PCDHA9: variants seen among roughly 807,000 people sequenced by gnomAD.
PCDHA9 encodes protocadherin alpha 9.
In PCDHA9, 62 loss-of-function variants were observed where a neutral mutation model predicts 62.0. The ratio of observed to expected loss-of-function variants is 1.00; its 90% confidence interval spans 0.81 to 1.23. The LOEUF is 1.23. Ranked by LOEUF, PCDHA9 falls within the 50% of genes most tolerant of loss-of-function variation. The pLI is 0.00. For missense variants in PCDHA9, 1,205 were observed against 1,249.8 expected (o/e 0.96, Z 0.54); for synonymous variants, 557 against 567.6 (o/e 0.98, Z 0.27).
At chr5:140,850,964 C>G (rs1554145138) in intron 1 of PCDHA9, 75 bp downstream of exon 1, 1 of 1,468,876 alleles carries the variant, frequency 6.8e-7, no homozygotes, top group African/African-American at 1.4e-5. Flanking sequence ...TCCCAGGGGC[C>G]GTTCAAATAG....
At chr5:140,951,395 G>A (rs1036290024) in intron 1 of PCDHA9, among the ~76,000 whole-genome samples, 1 of 152,030 alleles carries the variant, frequency 6.6e-6, no homozygotes, top group African/African-American at 2.4e-5. Flanking sequence ...AATTTATAAA[G>A]AAAAGAGGTT....
intron 1 of PCDHA9, chr5:140,870,101 G>C (rs1345689033): frequency 3.1e-6 from 5 of 1,613,914 alleles, no homozygotes; most frequent in Non-Finnish European, 4.2e-6. Context: ...GCAGGTCACT[G>C]TACAGTCTGG....
intron 1 of PCDHA9, among the ~76,000 whole-genome samples, chr5:140,909,491 A>T (rs1031839388): frequency 1.3e-5 from 2 of 152,218 alleles, no homozygotes; most frequent in Non-Finnish European, 2.9e-5. Flanking sequence ...GGAGAGCTGA[A>T]CGGGGATGTG....
rs1013599044 is a variant in PCDHA9, at chr5:140,900,058, C to T, written c.2394+49169C>T. ...TTCCTGGGCTCAAGTGATCCTTTAACCTCAGCCTCCAAAAGTGCTGCAGTT... is the reference window on the plus strand; with the variant it reads ...TTCCTGGGCTCAAGTGATCCTTTAATCTCAGCCTCCAAAAGTGCTGCAGTT... On this transcript the variant is annotated intron_variant, in intron 1 of 3. Coordinates refer to ENST00000532602, the MANE Select transcript of PCDHA9 (RefSeq NM_031857.2). Among the ~76,000 whole-genome samples the T allele has an allele frequency of 2.0e-5, 3 of 152,160 alleles. 1 individual carries two copies. Among genetic ancestry groups the T allele is most frequent in the Non-Finnish European group, 1.5e-5 (1 of 68,028 alleles).
intron 3 of PCDHA9, among the ~76,000 whole-genome samples, chr5:140,993,460 T>TCACACACACA (rs1554253699): frequency 5.7e-5 from 6 of 104,506 alleles, no homozygotes; most frequent in African/African-American, 7.8e-5. Flanking sequence ...CTTCTTTCTT[T>TCACACACACA]CTCACACACA....
intron 1 of PCDHA9, chr5:140,966,857 C>A: frequency 6.3e-7 from 1 of 1,575,742 alleles, no homozygotes; most frequent in Non-Finnish European, 8.6e-7. Flanking sequence ...TCTCCTGCTG[C>A]TGTTGCTGCT....
chr5:140,853,640 A>G, intron 1 of PCDHA9: 1 of 988,756 alleles, frequency 1.0e-6, no homozygotes, highest in Non-Finnish European at 1.2e-6. Context: ...CACAGACCTA[A>G]ATTGAGCCTG....
chr5:140,937,362 C>A lies in PCDHA9; in HGVS notation c.2395-41587C>A, dbSNP rs151333453. On this transcript the variant is annotated intron_variant, in intron 1 of 3. Coordinates refer to ENST00000532602, the MANE Select transcript of PCDHA9 (RefSeq NM_031857.2). ...TCTTCCATTTATTTTATTATTTTAT[C>A]TTAATGTTTATGTGTGTGTATGTGT... Among the ~76,000 whole-genome samples the A allele has an allele frequency of 4.1e-4, 62 of 152,138 alleles. No individual in the cohort carries two copies. In the East Asian group the frequency reaches 0.01, roughly 25 times the overall value.
chr5:141,009,923 A>T lies in PCDHA9; in HGVS notation c.2839A>T (p.Asn947Tyr), dbSNP rs1463725058. The change falls in exon 4 of 4, where the codon AAC becomes TAC. Residue 947 changes from asparagine (N) to tyrosine (Y), a missense_variant. By Grantham distance (143) the Asn-to-Tyr change is moderately radical. Around this residue, in one of 3 missense-constraint regions of PCDHA9, gnomAD observed 887 missense variants for 809.5 expected, o/e 1.10. Coordinates refer to ENST00000532602, the MANE Select transcript of PCDHA9 (RefSeq NM_031857.2). ...KKEKGNSTTD[N>Y]SDQ ...AGAGAAAGGGAACAGCACGACTGAC[A>T]ACAGTGACCAGTGAGGTCCTCAAAT... 6.2e-7 allele frequency: 1 copy of T among 1,608,790 alleles called. No homozygotes were observed. The highest frequency in any genetic ancestry group is 8.5e-7 in the Non-Finnish European group (1 of 1,178,528).
chr5:140,927,073 C>T (rs782173390), intron 1 of PCDHA9: 11 of 1,611,108 alleles, frequency 6.8e-6, no homozygotes, highest in Middle Eastern at 1.7e-4. Context: ...CCTTTCCAGC[C>T]ACCGCGAGCT....
At chr5:140,863,090 C>G (rs782806970) in intron 1 of PCDHA9, 1 of 575,070 alleles carries the variant, frequency 1.7e-6, no homozygotes, top group African/African-American at 1.9e-5. Flanking sequence ...GAGATCAGCA[C>G]GACGAGTACC....
intron 1 of PCDHA9, chr5:140,856,664 C>T (rs782626089): frequency 6.3e-7 from 1 of 1,598,020 alleles, no homozygotes; most frequent in Non-Finnish European, 8.6e-7. Context: ...AGAAAATCCT[C>T]AGCTAAAGTT....
intron 3 of PCDHA9, among the ~76,000 whole-genome samples, chr5:140,992,189 G>T (rs1554252741): frequency 6.6e-6 from 1 of 152,098 alleles, no homozygotes; most frequent in Non-Finnish European, 1.5e-5. Context: ...TGCTTTCAGT[G>T]ATCTATCCAA....
chr5:140,946,611 A>AATATATATATATATATATAT lies in PCDHA9; in HGVS notation c.2395-32336_2395-32317dup, dbSNP rs1554217734. On this transcript the variant is annotated intron_variant, in intron 1 of 3. Transcript: ENST00000532602. ...GGATGAATAGATAAAGAAAATGTGA[A>AATATATATATATATATATAT]ATATATATATATATATATATACAAT... Among the ~76,000 whole-genome samples the AATATATATATATATATATAT allele has an allele frequency of 2.4e-3, 212 of 86,734 alleles. 8 individuals carry two copies. Among genetic ancestry groups the AATATATATATATATATATAT allele is most frequent in the Middle Eastern group, 0.011 (2 of 186 alleles). The allele number at this position is 86,734 out of a possible 152,430, so 56.9% of individuals were successfully genotyped here.
chr5:140,880,338 C>T (rs887426306), intron 1 of PCDHA9, among the ~76,000 whole-genome samples: 10 of 152,130 alleles, frequency 6.6e-5, no homozygotes, highest in African/African-American at 1.7e-4. Context: ...AAAAATAAGA[C>T]AGGCAGCAGG....
At chr5:140,928,809 G>A (rs1563109634) in intron 1 of PCDHA9, 2 of 1,614,078 alleles carry the variant, frequency 1.2e-6, no homozygotes, top group African/African-American at 2.7e-5. Flanking sequence ...TAGTGGTTCG[G>A]GACCATGGAG....
Position 140,999,346 on chromosome 5 carries a change from T to C in PCDHA9, c.2543-10281T>C, listed in dbSNP as rs115221132. ...ATCTGTGTGATTTATAAGCCTTGTC[T>C]CTTTTTAATGTTCACAATCCCATTA... On this transcript the variant is annotated intron_variant, in intron 3 of 3. Transcript: ENST00000532602. Among the ~76,000 whole-genome samples the C allele has an allele frequency of 2.6e-3, 399 of 152,360 alleles. 2 individuals are homozygous for C. In the Middle Eastern group the frequency reaches 0.041, roughly 16 times the overall value.
In PCDHA9 at chr5:140,870,510, A is replaced by G. The variant is rs185967358; in HGVS notation, c.2394+19621A>G. On this transcript the variant is annotated intron_variant, in intron 1 of 3. Transcript: ENST00000532602. ...TGTTCGTGAAGGAGAACAACCCACCAGGCTGCCACATCTTCACAGTGTCGG... is the reference window on the plus strand; with the variant it reads ...TGTTCGTGAAGGAGAACAACCCACCGGGCTGCCACATCTTCACAGTGTCGG... 4.8e-3 allele frequency: 7,668 copies of G among 1,614,220 alleles called. 19 individuals carry two copies. The highest frequency in any genetic ancestry group is 5.8e-3 in the Non-Finnish European group (6,886 of 1,180,042).
At position 141,010,023 on chromosome 5, in the gene PCDHA9, C is replaced by T. The variant is rs1196328903; in HGVS notation, c.*86C>T. Reference sequence around the variant, plus strand: ...TGTAGCAATTCCCTGCTCCTTTTTCCTATCTACATGAGCCCTCTTAGAGAC... The same window carrying T: ...TGTAGCAATTCCCTGCTCCTTTTTCTTATCTACATGAGCCCTCTTAGAGAC... On this transcript the variant is annotated 3_prime_UTR_variant, in exon 4 of 4. Transcript: ENST00000532602. 10 of 1,571,304 alleles carry T rather than the reference C, an allele frequency of 6.4e-6. No homozygotes were observed. Among genetic ancestry groups the T allele is most frequent in the Non-Finnish European group, 8.6e-6 (10 of 1,163,016 alleles).
Sources: allele counts gnomAD v4.1 joint callset (sites outside exome capture counted in the v4.1 genomes callset), GRCh38; gene constraint gnomAD v4.1.1; regional missense constraint gnomAD v4.1.1; transcripts MANE v1.5; gene names NCBI Gene and HGNC (gene_info 2026-07-23, HGNC 2026-07-21).